MMS19: variants seen among roughly 807,000 people sequenced by gnomAD.
MMS19 encodes MMS19 nucleotide excision repair protein homolog.
Under a neutral mutation model 129.8 loss-of-function variants are expected in MMS19, and 77 were observed. That is an observed-to-expected ratio of 0.59 (90% CI 0.49 to 0.72). The LOEUF (loss-of-function observed/expected upper bound fraction) is 0.72, where lower values mean the gene tolerates loss of function less well. MMS19 is among the 30% of genes least tolerant of loss of function. MMS19 has a pLI of 0.00. For synonymous variants in MMS19, 491 were observed against 502.8 expected, an observed-to-expected ratio of 0.98 and a Z score of 0.31; for missense variants, 1,168 against 1,266.3, an observed-to-expected ratio of 0.92 and a Z score of 1.18.
chr10:97,460,851 A>T, intron 24 of MMS19, 56 bp downstream of exon 24: 1 of 1,532,472 alleles, frequency 6.5e-7, no homozygotes, highest in Non-Finnish European at 8.9e-7. Context: ...GGGACATTTT[A>T]TTTAACCAGA....
intron 1 of MMS19, among the ~76,000 whole-genome samples, chr10:97,491,175 T>C (rs1366421218): frequency 6.6e-6 from 1 of 152,188 alleles, no homozygotes; most frequent in Non-Finnish European, 1.5e-5. Context: ...AGTTAATAAT[T>C]GTACAGATGA....
intron 4 of MMS19, 30 bp downstream of exon 4, chr10:97,478,274 A>T: frequency 6.5e-7 from 1 of 1,545,080 alleles, no homozygotes; most frequent in Non-Finnish European, 8.8e-7. Context: ...CCTTGAACAA[A>T]GTTATGTAAT....
intron 8 of MMS19, among the ~76,000 whole-genome samples, chr10:97,471,183 AAT>A (rs199974781): frequency 2.0e-5 from 3 of 152,080 alleles, no homozygotes; most frequent in African/African-American, 7.2e-5. Flanking sequence ...TTCCATATAA[AAT>A]ATATATATAC....
chr10:97,491,251 C>A (rs1245577259), intron 1 of MMS19, among the ~76,000 whole-genome samples: 1 of 152,182 alleles, frequency 6.6e-6, no homozygotes, highest in African/African-American at 2.4e-5. Context: ...TTTTCTTCAG[C>A]AATACCATCA....
At chr10:97,472,793 G>A (rs2035004558) in intron 8 of MMS19, among the ~76,000 whole-genome samples, 1 of 151,940 alleles carries the variant, frequency 6.6e-6, no homozygotes, top group South Asian at 2.1e-4. Context: ...ATTTCTTATA[G>A]ACAAGGTTTT....
rs2032321228 is a variant in MMS19, at chr10:97,462,658, T to C, written c.1937A>G (p.Lys646Arg). ...CAACACCTCATCCTCCAATAGTACT[T>C]TTCTCAGAACTGAGGGCTCCTTCTC... ...MPEKEPSVLR[K>R]VLLEDEVLAA... The change falls in exon 20 of 31, where the codon AAA becomes AGA. Residue 646 changes from lysine to arginine, a missense_variant. This residue lies in a region of MMS19 where 831 missense variants were observed against 910.8 expected (regional missense o/e 0.91). Coordinates refer to ENST00000438925, the MANE Select transcript of MMS19 (RefSeq NM_022362.5). 1.2e-6 allele frequency: 2 copies of C among 1,613,750 alleles called. No homozygotes were observed. Among genetic ancestry groups the C allele is most frequent in the African/African-American group, 1.3e-5 (1 of 74,890 alleles).
Position 97,458,661 on chromosome 10 carries a change from T to C in MMS19, c.*31A>G. On this transcript the variant is annotated 3_prime_UTR_variant, in exon 31 of 31. Transcript: ENST00000438925. ...AACAGTTAGTAATCCCAGGTTAGAT[T>C]GTCAGAACAGTCTAGGCCAGGACTG... The C allele has an allele frequency of 6.3e-7, 1 of 1,590,590 alleles. No individual in the cohort carries two copies. Among genetic ancestry groups the C allele is most frequent in the Non-Finnish European group, 8.6e-7 (1 of 1,168,202 alleles).
chr10:97,473,411 A>G (rs2035142968), intron 8 of MMS19, among the ~76,000 whole-genome samples: 2 of 152,078 alleles, frequency 1.3e-5, no homozygotes, highest in South Asian at 4.1e-4. Flanking sequence ...TAAGGGTTAC[A>G]AATCTAAAAA....
In MMS19 at chr10:97,484,087, T is replaced by C. The variant is rs1031217035; in HGVS notation, c.161+16A>G. ...GTCAGGGTTGGAGAAGAACATTCTA[T>C]AGCAGAGGCTCTTACCCAAGGGCTT... On this transcript the variant is annotated intron_variant, in intron 2 of 30. Coordinates refer to ENST00000438925, the MANE Select transcript of MMS19 (RefSeq NM_022362.5). 25 of 1,517,584 alleles carry C rather than the reference T, an allele frequency of 1.6e-5. No individual in the cohort carries two copies. Among genetic ancestry groups the C allele is most frequent in the Non-Finnish European group, 2.2e-5 (25 of 1,115,202 alleles). The allele number at this position is 1,517,584 out of a possible 1,614,324, so 94.0% of individuals were successfully genotyped here. A position where few individuals can be genotyped will look rare whatever the true frequency, so the allele number is the denominator to read the frequency against.
In MMS19 at chr10:97,468,963, T is replaced by C; in HGVS notation, c.1063+3A>G. The C allele has an allele frequency of 6.3e-7, 1 of 1,586,042 alleles. No individual in the cohort carries two copies. Among genetic ancestry groups the C allele is most frequent in the Non-Finnish European group, 8.6e-7 (1 of 1,165,802 alleles). On this transcript the variant is annotated splice_donor_region_variant and intron_variant, in intron 12 of 30. Transcript: ENST00000438925. ...CCCTTCCTGGCTGCCACGGCCCCAT[T>C]ACCCTGTAGAATGTTGCTAAGGAAG...
In MMS19 at chr10:97,498,284, T is replaced by C. The variant is rs1564726022; in HGVS notation, c.101A>G (p.Gln34Arg). ...VVGQQEGPAD[Q>R]VAADVKSGNY... ...GCCGTCTGCCGTACCTGCAGCCACC[T>C]GGTCAGCGGGGCCCTCTTGCTGACC... Residue 34 changes from glutamine to arginine, a missense_variant, in exon 1 of 31, where the codon CAG becomes CGG. This residue lies in a region of MMS19 where 329 missense variants were observed against 328.6 expected (regional missense o/e 1.00). Transcript: ENST00000438925. 3.2e-6 allele frequency: 5 copies of C among 1,567,330 alleles called. No individual in the cohort carries two copies. The highest frequency in any genetic ancestry group is 2.3e-5 in the East Asian group (1 of 42,834).
chr10:97,498,394 T>A lies in MMS19; in HGVS notation c.-10A>T. The A allele has an allele frequency of 6.3e-7, 1 of 1,579,426 alleles. No individual in the cohort carries two copies. The highest frequency in any genetic ancestry group is 8.5e-7 in the Non-Finnish European group (1 of 1,170,720). ...CCGCGGCAGCGGCCATAACGCGAAC[T>A]AGAGACCGTGGGAGGGGATATGGGC... On this transcript the variant is annotated 5_prime_UTR_variant, in exon 1 of 31. Transcript: ENST00000438925.
chr10:97,458,746 A>ACCC, intron 30 of MMS19, 27 bp from the exon 31 acceptor site: 1 of 1,612,854 alleles, frequency 6.2e-7, no homozygotes, highest in South Asian at 1.1e-5. Flanking sequence ...AGTTGGCAGC[A>ACCC]TTAGTGATGA....
intron 1 of MMS19, among the ~76,000 whole-genome samples, chr10:97,484,493 C>A (rs1174774191): frequency 1.3e-5 from 2 of 152,012 alleles, no homozygotes; most frequent in African/African-American, 4.8e-5. Flanking sequence ...TATACATATA[C>A]ACAATAGCCT....
intron 1 of MMS19, among the ~76,000 whole-genome samples, chr10:97,486,891 A>ATATATATATATATATATATGTG (rs1554852518): frequency 7.6e-6 from 1 of 132,340 alleles, no homozygotes; most frequent in Non-Finnish European, 1.6e-5. Context: ...ATATATATAT[A>ATATATATATATATATATATGTG]TATAAAATTA....
Position 97,462,039 on chromosome 10 carries a change from G to T in MMS19, c.2093C>A (p.Pro698Gln). The part of the protein sequence containing the change: ...NVSFLPENSF[P>Q]SRFQPFQDGS... ...TACCTGGAATGGCTGGAATCTGCTC[G>T]GGAAGCTGTTTTCAGGCAGAAAGGA... The change falls in exon 21 of 31, where the codon CCG becomes CAG. Residue 698 changes from proline to glutamine, a missense_variant. Around this residue, in one of 3 missense-constraint regions of MMS19, gnomAD observed 831 missense variants for 910.8 expected, o/e 0.91. Transcript: ENST00000438925. The T allele has an allele frequency of 6.3e-7, 1 of 1,592,696 alleles. No individual in the cohort carries two copies. The highest frequency in any genetic ancestry group is 8.6e-7 in the Non-Finnish European group (1 of 1,169,528).
At chr10:97,468,456 G>C (rs2033986562) in intron 12 of MMS19, 50 bp from the exon 13 acceptor site, 1 of 1,528,320 alleles carries the variant, frequency 6.5e-7, no homozygotes, top group Non-Finnish European at 8.9e-7. Context: ...AATGGTGCCT[G>C]ACTCCCCTAC....
rs746191643 is a variant in MMS19, at chr10:97,459,486, C to A, written c.2780G>T (p.Cys927Phe). ...LLLEALSCPD[C>F]VVQLSTLSCL... ...GCTGAGGGTGGAGAGCTGCACCACA[C>A]AGTCAGGGCAGGACAGGGCCTCCAG... The change falls in exon 28 of 31, where the codon TGT becomes TTT. Residue 927 changes from cysteine (C) to phenylalanine (F), a missense_variant. By Grantham distance (205) the Cys-to-Phe change is radical. Around this residue, in one of 3 missense-constraint regions of MMS19, gnomAD observed 831 missense variants for 910.8 expected, o/e 0.91. Coordinates refer to ENST00000438925, the MANE Select transcript of MMS19 (RefSeq NM_022362.5). 6.2e-7 allele frequency: 1 copy of A among 1,613,302 alleles called. No individual in the cohort carries two copies. The highest frequency in any genetic ancestry group is 8.5e-7 in the Non-Finnish European group (1 of 1,179,662).
Position 97,463,853 on chromosome 10 carries a change from G to C in MMS19, c.1912+5C>G. On this transcript the variant is annotated splice_donor_5th_base_variant and intron_variant, in intron 19 of 30. Transcript: ENST00000438925. ...AAAGGCCAGGAAGGAGAGGTGGAAA[G>C]TTACCTGGCATAGAGGCCTGCACAG... 6.2e-7 allele frequency: 1 copy of C among 1,608,362 alleles called. No homozygotes were observed. Among genetic ancestry groups the C allele is most frequent in the Non-Finnish European group, 8.5e-7 (1 of 1,177,486 alleles).
Sources: gnomAD v4.1 joint callset for allele counts (sites outside exome capture counted in the v4.1 genomes callset) on GRCh38, gnomAD v4.1.1 for gene constraint, gnomAD v4.1.1 regional missense constraint, MANE v1.5 for transcripts, NCBI Gene and HGNC (gene_info 2026-07-23, HGNC 2026-07-21) for gene names.